EFNA5: variants seen among roughly 807,000 people sequenced by gnomAD.
The protein encoded by EFNA5 is ephrin A5, also known as ephrin-A5.
EFNA5 carries 5 observed loss-of-function variants against 22.9 expected under a neutral mutation model. The observed-to-expected ratio is 0.22, with a 90% CI of 0.11 to 0.46. The LOEUF is 0.46. EFNA5 is among the 20% of genes least tolerant of loss of function. The pLI, the probability that EFNA5 is intolerant of heterozygous loss-of-function variation, is 0.99. For missense variants in EFNA5, 237 were observed against 293.3 expected (o/e 0.81, Z 1.40); for synonymous variants, 113 against 112.2 (o/e 1.01, Z -0.04).
chr5:107,504,806 A>G (rs1464672112), intron 1 of EFNA5, among the ~76,000 whole-genome samples: 3 of 152,210 alleles, frequency 2.0e-5, no homozygotes, highest in Non-Finnish European at 4.4e-5. Context: ...TTTCATTACT[A>G]TTCTAGTAGA....
At chr5:107,417,474 T>G (rs1748532447) in intron 2 of EFNA5, among the ~76,000 whole-genome samples, 1 of 152,154 alleles carries the variant, frequency 6.6e-6, no homozygotes, top group African/African-American at 2.4e-5. Context: ...GTCCACATAT[T>G]TCCCCTATTA....
At chr5:107,626,351 T>C (rs1240037700) in intron 1 of EFNA5, among the ~76,000 whole-genome samples, 1 of 152,120 alleles carries the variant, frequency 6.6e-6, no homozygotes, top group Non-Finnish European at 1.5e-5. Flanking sequence ...CAGCCATAGC[T>C]CACTGTAACC....
chr5:107,600,746 C>T (rs1309077987), intron 1 of EFNA5, among the ~76,000 whole-genome samples: 1 of 152,038 alleles, frequency 6.6e-6, no homozygotes, highest in African/African-American at 2.4e-5. Flanking sequence ...CCTGAGTCTC[C>T]CAAAGTGCTG....
At chr5:107,511,871 T>TA (rs964233329) in intron 1 of EFNA5, among the ~76,000 whole-genome samples, 2 of 152,158 alleles carry the variant, frequency 1.3e-5, no homozygotes, top group African/African-American at 4.8e-5. Flanking sequence ...TTCAAAGGGC[T>TA]AAAAAACAAT....
chr5:107,626,874 T>C (rs1750152675), intron 1 of EFNA5, among the ~76,000 whole-genome samples: 1 of 152,320 alleles, frequency 6.6e-6, no homozygotes, highest in South Asian at 2.1e-4. Flanking sequence ...TGAGCAAAAA[T>C]GAATGGATGC....
chr5:107,590,312 C>T (rs1280909355), intron 1 of EFNA5, among the ~76,000 whole-genome samples: 1 of 152,168 alleles, frequency 6.6e-6, no homozygotes, highest in Non-Finnish European at 1.5e-5. Flanking sequence ...TCTTGGAATG[C>T]TTCCAAAGCA....
chr5:107,398,266 A>G (rs1747980970), intron 2 of EFNA5, among the ~76,000 whole-genome samples: 3 of 152,094 alleles, frequency 2.0e-5, no homozygotes, highest in Middle Eastern at 3.4e-3. Flanking sequence ...CAAAATCCCT[A>G]CTTCCTCTGG....
At chr5:107,446,076 T>C (rs1344055790) in intron 1 of EFNA5, among the ~76,000 whole-genome samples, 1 of 152,184 alleles carries the variant, frequency 6.6e-6, no homozygotes, top group Non-Finnish European at 1.5e-5. Flanking sequence ...TCTTGGCACA[T>C]TCCATGACCT....
intron 1 of EFNA5, among the ~76,000 whole-genome samples, chr5:107,500,917 G>A (rs1282480928): frequency 6.6e-6 from 1 of 151,130 alleles, no homozygotes; most frequent in East Asian, 1.9e-4. Context: ...TTTCAGCCAG[G>A]ATTGTTCATC....
chr5:107,670,416 A>G, intron 1 of EFNA5, 73 bp downstream of exon 1: 1 of 1,477,792 alleles, frequency 6.8e-7, no homozygotes, highest in Non-Finnish European at 9.0e-7. Context: ...GTGCGCGCCG[A>G]TCCCCGCCGC....
intron 1 of EFNA5, among the ~76,000 whole-genome samples, chr5:107,669,510 C>A (rs1751141234): frequency 6.6e-6 from 1 of 152,044 alleles, no homozygotes; most frequent in Non-Finnish European, 1.5e-5. Flanking sequence ...ACCCGGAGGA[C>A]CCCGCCGGGC....
chr5:107,530,356 T>A (rs1180046693), intron 1 of EFNA5, among the ~76,000 whole-genome samples: 1 of 152,206 alleles, frequency 6.6e-6, no homozygotes, highest in East Asian at 1.9e-4. Flanking sequence ...CACATTTGGT[T>A]GACCACAGCT....
intron 1 of EFNA5, among the ~76,000 whole-genome samples, chr5:107,617,890 G>A (rs1258544491): frequency 6.6e-6 from 1 of 152,158 alleles, no homozygotes; most frequent in Non-Finnish European, 1.5e-5. Context: ...GCTGGGCACA[G>A]TGGTGTGTAC....
chr5:107,422,603 G>A (rs896160417), intron 2 of EFNA5, among the ~76,000 whole-genome samples: 12 of 152,236 alleles, frequency 7.9e-5, no homozygotes, highest in African/African-American at 2.9e-4. Flanking sequence ...CGATGTAGGA[G>A]TGTACTGGAT....
chr5:107,629,376 T>A (rs924571426), intron 1 of EFNA5, among the ~76,000 whole-genome samples: 4 of 152,014 alleles, frequency 2.6e-5, no homozygotes, highest in Non-Finnish European at 4.4e-5. Flanking sequence ...CACACACACA[T>A]TGCATTTTGG....
intron 1 of EFNA5, among the ~76,000 whole-genome samples, chr5:107,474,062 C>T (rs1045955296): frequency 3.4e-5 from 5 of 147,234 alleles, no homozygotes; most frequent in African/African-American, 7.8e-5. Flanking sequence ...GAATCAATTT[C>T]GGCCCTGTAC....
chr5:107,640,503 G>A (rs931772823), intron 1 of EFNA5, among the ~76,000 whole-genome samples: 3 of 152,202 alleles, frequency 2.0e-5, no homozygotes, highest in Admixed American at 6.5e-5. Flanking sequence ...GTGATTTAGT[G>A]ATAGCAAGTC....
At chr5:107,400,091 C>G (rs1748045882) in intron 2 of EFNA5, among the ~76,000 whole-genome samples, 1 of 151,990 alleles carries the variant, frequency 6.6e-6, no homozygotes, top group African/African-American at 2.4e-5. Context: ...TTTTTACAGT[C>G]AGACAACTAA....
chr5:107,489,706 A>T (rs565553471), intron 1 of EFNA5, among the ~76,000 whole-genome samples: 1 of 149,926 alleles, frequency 6.7e-6, no homozygotes, highest in African/African-American at 2.5e-5. Context: ...CCTGCAACTG[A>T]ACATTATCAG....
Sources: gnomAD v4.1 joint callset for allele counts (sites outside exome capture counted in the v4.1 genomes callset) on GRCh38, gnomAD v4.1.1 for gene constraint, MANE v1.5 for transcripts, NCBI Gene and HGNC (gene_info 2026-07-23, HGNC 2026-07-21) for gene names.